GRM5: variants seen among roughly 807,000 people sequenced by gnomAD.
GRM5 encodes the protein metabotropic glutamate receptor 5.
In GRM5, 19 loss-of-function variants were observed where a neutral mutation model predicts 83.1. The ratio of observed to expected loss-of-function variants is 0.23; its 90% CI spans 0.16 to 0.34. The LOEUF (loss-of-function observed/expected upper bound fraction) is 0.34, where lower values mean the gene tolerates loss of function less well. Among genes scored for constraint, GRM5 ranks in the 10% least tolerant of loss-of-function variants. GRM5 has a pLI of 1.00. For synonymous variants in GRM5, 675 were observed against 633.6 expected (o/e 1.07, Z -0.98); for missense variants, 1,160 against 1,588.3 (o/e 0.73, Z 4.58).
chr11:88,890,591 T>A lies in GRM5; in HGVS notation c.662-40436A>T, dbSNP rs559476380. 3.1e-4 allele frequency among the ~76,000 whole-genome samples: 47 copies of A among 152,248 alleles called. 1 individual carries two copies. In the South Asian group the frequency reaches 7.7e-3, roughly 25 times the overall value. On this transcript the variant is annotated intron_variant, in intron 2 of 9. Transcript: ENST00000305447. ...AAATAAAAATAATCTTAAGGATTAT[T>A]GGTAAAATGCAAGGGTCATCAAAAT... is the stretch of plus-strand genomic sequence containing the variant.
intron 3 of GRM5, among the ~76,000 whole-genome samples, chr11:88,739,306 C>T (rs1941981385): frequency 6.6e-6 from 1 of 152,010 alleles, no homozygotes; most frequent in Admixed American, 6.6e-5. Flanking sequence ...TTTTTCAACA[C>T]CAGGGAACAC....
chr11:88,999,179 CAA>C (rs1940289671), intron 2 of GRM5, among the ~76,000 whole-genome samples: 1 of 152,122 alleles, frequency 6.6e-6, no homozygotes, highest in African/African-American at 2.4e-5. Flanking sequence ...TAGGCATGGG[CAA>C]AGACTTCATG....
intron 4 of GRM5, among the ~76,000 whole-genome samples, chr11:88,617,354 T>C (rs529528421): frequency 6.6e-6 from 1 of 152,214 alleles, no homozygotes; most frequent in Non-Finnish European, 1.5e-5. Context: ...AATAAGTGAA[T>C]TGGGGAAAAA....
At chr11:88,692,785 G>T (rs1308802844) in intron 3 of GRM5, among the ~76,000 whole-genome samples, 2 of 152,164 alleles carry the variant, frequency 1.3e-5, no homozygotes, top group Non-Finnish European at 2.9e-5. Flanking sequence ...AAACATGGGG[G>T]TATTGCCACT....
intron 2 of GRM5, among the ~76,000 whole-genome samples, chr11:88,859,887 T>C (rs1020677572): frequency 6.6e-6 from 1 of 152,178 alleles, no homozygotes; most frequent in African/African-American, 2.4e-5. Flanking sequence ...AGTCCCCATG[T>C]TGCTGATAGT....
intron 3 of GRM5, among the ~76,000 whole-genome samples, chr11:88,808,345 G>A (rs1943532875): frequency 6.6e-6 from 1 of 151,986 alleles, no homozygotes; most frequent in Admixed American, 6.6e-5. Context: ...GTTGCAGCAT[G>A]CAGGGTATGT....
intron 3 of GRM5, among the ~76,000 whole-genome samples, chr11:88,684,791 C>T (rs896820661): frequency 6.6e-6 from 1 of 152,162 alleles, no homozygotes; most frequent in Admixed American, 6.5e-5. Flanking sequence ...TCAAGGGTTT[C>T]TGCTTTTGTA....
intron 2 of GRM5, among the ~76,000 whole-genome samples, chr11:88,927,841 T>C (rs557138415): frequency 7.0e-4 from 107 of 152,256 alleles, no homozygotes; most frequent in Middle Eastern, 3.4e-3. Flanking sequence ...ACATTATTAA[T>C]AGCTCAAATA....
chr11:88,938,553 T>TTA (rs1224629001), intron 2 of GRM5, among the ~76,000 whole-genome samples: 1 of 582 alleles, frequency 1.7e-3, no homozygotes, highest in Non-Finnish European at 0.028. Context: ...TATTACTTCA[T>TTA]TTTTTTTTTT....
intron 3 of GRM5, among the ~76,000 whole-genome samples, chr11:88,688,248 T>C (rs1565187557): frequency 6.6e-6 from 1 of 152,200 alleles, no homozygotes. Context: ...CACTAAATAG[T>C]GGATAAAATA....
At chr11:88,798,788 C>A in intron 3 of GRM5, among the ~76,000 whole-genome samples, 1 of 112,132 alleles carries the variant, frequency 8.9e-6, no homozygotes, top group Non-Finnish European at 1.7e-5. Context: ...CTACTCTTTG[C>A]TACCTAATGA....
intron 3 of GRM5, among the ~76,000 whole-genome samples, chr11:88,688,717 ATCTC>A (rs1940707675): frequency 6.6e-6 from 1 of 152,036 alleles, no homozygotes; most frequent in Admixed American, 6.6e-5. Context: ...GATGAACAGA[ATCTC>A]TCTTTTATTT....
intron 3 of GRM5, among the ~76,000 whole-genome samples, chr11:88,805,643 C>A (rs1448870658): frequency 6.6e-6 from 1 of 152,072 alleles, no homozygotes; most frequent in Admixed American, 6.6e-5. Flanking sequence ...GACTATGAAT[C>A]TTCACTCTTC....
At chr11:88,826,381 A>C (rs10741530) in intron 3 of GRM5, among the ~76,000 whole-genome samples, 74,273 of 151,642 alleles carry the variant, frequency 0.49, 21,465 homozygotes, top group African/African-American at 0.76. Context: ...GATGAAAAAT[A>C]ATTTTTAAAA....
chr11:88,691,882 A>G (rs563211326), intron 3 of GRM5, among the ~76,000 whole-genome samples: 1 of 152,280 alleles, frequency 6.6e-6, no homozygotes, highest in South Asian at 2.1e-4. Flanking sequence ...TATAATGTAA[A>G]TTTTATAACA....
chr11:88,974,597 A>G (rs867442070), intron 2 of GRM5, among the ~76,000 whole-genome samples: 1 of 152,148 alleles, frequency 6.6e-6, no homozygotes, highest in African/African-American at 2.4e-5. Context: ...ATAGTCCCCA[A>G]TATAGAATCA....
Position 88,517,435 on chromosome 11 carries a change from A to G in GRM5, c.2726+7874T>C, listed in dbSNP as rs571182508. On this transcript the variant is annotated intron_variant, in intron 9 of 9. Transcript: ENST00000305447. ...GAGACACAGTGGCAAAAAAAGTTTT[A>G]AAAAATGATTAATAATAAATAACAT... Among the ~76,000 whole-genome samples, 8 of 152,274 alleles carry G rather than the reference A, an allele frequency of 5.3e-5. No individual in the cohort carries two copies. The South Asian group carries it at 1.4e-3, about 28-fold the overall frequency.
chr11:88,928,907 T>TATATATATATATACAC (rs369951090), intron 2 of GRM5, among the ~76,000 whole-genome samples: 163 of 138,752 alleles, frequency 1.2e-3, no homozygotes, highest in Non-Finnish European at 1.6e-3. Context: ...TATGTGTATA[T>TATATATATATATACAC]ACACACACAC....
intron 3 of GRM5, among the ~76,000 whole-genome samples, chr11:88,727,656 A>C (rs1941713291): frequency 6.6e-6 from 1 of 152,226 alleles, no homozygotes; most frequent in African/African-American, 2.4e-5. Flanking sequence ...ACTTCAGCAA[A>C]TGCAAAAGAA....
Sources: allele counts gnomAD v4.1 joint callset (sites outside exome capture counted in the v4.1 genomes callset), GRCh38; gene constraint gnomAD v4.1.1; transcripts MANE v1.5; gene names NCBI Gene and HGNC (gene_info 2026-07-23, HGNC 2026-07-21).